Variants in ANK2 observed in about 807,000 individuals in gnomAD.
ANK2 encodes the protein ankyrin 2.
ANK2 carries 83 observed loss-of-function variants against 360.5 expected under a neutral mutation model. The observed-to-expected ratio is 0.23, with a 90% CI of 0.19 to 0.28. ANK2 has a LOEUF of 0.28. ANK2 is among the 10% of genes least tolerant of loss of function. ANK2 has a pLI of 1.00. For missense variants in ANK2, 4,201 were observed against 4,795.7 expected (o/e 0.88, Z 3.66); for synonymous variants, 1,740 against 1,759.5 (o/e 0.99, Z 0.28).
Position 113,357,569 on chromosome 4 carries a change from A to G in ANK2, c.8951A>G (p.Lys2984Arg). 6.2e-7 allele frequency: 1 copy of G among 1,614,140 alleles called. No individual in the cohort carries two copies. Among genetic ancestry groups the G allele is most frequent in the Non-Finnish European group, 8.5e-7 (1 of 1,179,990 alleles). ...TCCTCTAGTGGAACTGTTTTAAGCA[A>G]AGAATCTAATTTTGAGGGCCAGGAC... ...ASSSSGTVLSKESNFEGQDIK... is the reference protein window; with the variant it reads ...ASSSSGTVLSRESNFEGQDIK... Residue 2984 changes from lysine to arginine, a missense_variant, in exon 38 of 46, where the codon AAA becomes AGA. Physicochemically the swap from Lys to Arg is conservative, Grantham distance 26. This residue lies in a region of ANK2 where 2,642 missense variants were observed against 2,714.5 expected (regional missense o/e 0.97). Coordinates refer to ENST00000357077, the MANE Select transcript of ANK2 (RefSeq NM_001148.6).
intron 1 of ANK2, among the ~76,000 whole-genome samples, chr4:112,843,782 A>G (rs1343264950): frequency 3.3e-5 from 5 of 152,204 alleles, no homozygotes; most frequent in Non-Finnish European, 2.9e-5. Flanking sequence ...TTTTCGTTCT[A>G]AAACTTAACT....
rs199473344 is a variant in ANK2 at position 113,354,088 on chromosome 4, T to C, written c.5470T>C (p.Ser1824Pro). Residue 1824 changes from serine to proline, a missense_variant, in exon 38 of 46, where the codon TCC becomes CCC. Physicochemically the swap from Ser to Pro is moderately conservative, Grantham distance 74. This residue lies in a region of ANK2 where 2,642 missense variants were observed against 2,714.5 expected (regional missense o/e 0.97). Coordinates refer to ENST00000357077, the MANE Select transcript of ANK2 (RefSeq NM_001148.6). ...AGAGAGACATGCGCCAGGGTCTCCC[T>C]CCCCTAAAACAGAAAGACACTCTAC... ...KSERHAPGSPSPKTERHSTLS... is the reference protein window; with the variant it reads ...KSERHAPGSPPPKTERHSTLS... The C allele has an allele frequency of 1.2e-6, 2 of 1,613,800 alleles. No homozygotes were observed. The highest frequency in any genetic ancestry group is 3.3e-5 in the Admixed American group (2 of 59,994).
chr4:113,377,826 G>A (rs892826251), intron 45 of ANK2, among the ~76,000 whole-genome samples: 3 of 152,150 alleles, frequency 2.0e-5, no homozygotes, highest in African/African-American at 7.2e-5. Context: ...GTTGGGTGAA[G>A]CAAGGAGGAA....
At chr4:112,984,787 G>C (rs7684713) in intron 2 of ANK2, among the ~76,000 whole-genome samples, 29,415 of 152,060 alleles carry the variant, frequency 0.19, 3,185 homozygotes, top group East Asian at 0.38. Context: ...ATGGTCAGAA[G>C]TGAGCTCATG....
chr4:113,220,028 A>C (rs919333711), intron 4 of ANK2, among the ~76,000 whole-genome samples: 14 of 152,072 alleles, frequency 9.2e-5, no homozygotes, highest in African/African-American at 2.4e-4. Context: ...ATTCATAACC[A>C]AGGACTCAGA....
intron 1 of ANK2, among the ~76,000 whole-genome samples, chr4:113,068,803 A>C (rs1580647277): frequency 6.6e-6 from 1 of 152,270 alleles, no homozygotes; most frequent in Non-Finnish European, 1.5e-5. Context: ...GCTCATGCCT[A>C]TAATCTCAGC....
chr4:112,938,895 T>C (rs1000213387), intron 2 of ANK2, among the ~76,000 whole-genome samples: 15 of 152,190 alleles, frequency 9.9e-5, no homozygotes, highest in Non-Finnish European at 1.2e-4. Context: ...GACTACTGTG[T>C]CTCCAGAATC....
chr4:113,131,633 T>A (rs1378441738), intron 1 of ANK2, among the ~76,000 whole-genome samples: 1 of 152,214 alleles, frequency 6.6e-6, no homozygotes. Context: ...CTGGTCTAAG[T>A]GATTGTGGCA....
chr4:113,363,067 G>T (rs1281947284), intron 39 of ANK2, among the ~76,000 whole-genome samples: 1 of 152,114 alleles, frequency 6.6e-6, no homozygotes, highest in South Asian at 2.1e-4. Flanking sequence ...AATCAAATGG[G>T]CCTGAATTAT....
At chr4:113,272,425 T>G (rs974321298) in intron 14 of ANK2, among the ~76,000 whole-genome samples, 2 of 152,192 alleles carry the variant, frequency 1.3e-5, no homozygotes, top group Non-Finnish European at 2.9e-5. Context: ...TGGTTTAAAT[T>G]AACATTACCC....
chr4:113,083,398 C>T (rs1323037982), intron 1 of ANK2, among the ~76,000 whole-genome samples: 1 of 152,084 alleles, frequency 6.6e-6, no homozygotes, highest in Non-Finnish European at 1.5e-5. Context: ...TGGTCTCAAA[C>T]TTTTGGGCTC....
the ANK2 span, among the ~76,000 whole-genome samples, chr4:112,733,798 G>C: frequency 2.0e-5 from 3 of 152,068 alleles, no homozygotes; most frequent in Admixed American, 2.0e-4. Flanking sequence ...TTTTTGAGAC[G>C]GAGTCTCACC....
At chr4:112,790,304 T>TA in the ANK2 span, among the ~76,000 whole-genome samples, 1 of 152,116 alleles carries the variant, frequency 6.6e-6, no homozygotes, top group Non-Finnish European at 1.5e-5. Context: ...CACTAGTCAA[T>TA]AAAAATAATC....
intron 24 of ANK2, among the ~76,000 whole-genome samples, chr4:113,315,085 G>A (rs1356051651): frequency 6.6e-6 from 1 of 151,836 alleles, no homozygotes; most frequent in Non-Finnish European, 1.5e-5. Context: ...TTATCCCTCT[G>A]TATTTCTTTC....
chr4:112,821,435 G>C (rs66577927), intron 1 of ANK2, among the ~76,000 whole-genome samples: 2 of 151,806 alleles, frequency 1.3e-5, no homozygotes, highest in Non-Finnish European at 2.9e-5. Flanking sequence ...CATGTGATGA[G>C]ATCTCAAATA....
chr4:113,346,008 C>A lies in ANK2; in HGVS notation c.4357C>A (p.Pro1453Thr), dbSNP rs2094806309. Residue 1453 changes from proline (P) to threonine (T), a missense_variant, in exon 35 of 46, where the codon CCG becomes ACG. By Grantham distance (38) the Pro-to-Thr change is conservative. Around this residue, in one of 4 missense-constraint regions of ANK2, gnomAD observed 1,268 missense variants for 1,650.8 expected, o/e 0.77. Transcript: ENST00000357077. ...TATTTGCAACTTAAACATCACTTTG[C>A]CGATTTATACAAAGGTATCGTAAAA... The part of the protein sequence containing the change: ...QAICNLNITL[P>T]IYTKESESDQ... 2 of 1,613,304 alleles carry A rather than the reference C, an allele frequency of 1.2e-6. No homozygotes were observed. The highest frequency in any genetic ancestry group is 2.7e-5 in the African/African-American group (2 of 74,988).
chr4:112,928,788 G>C (rs963144618), intron 2 of ANK2, among the ~76,000 whole-genome samples: 2 of 151,934 alleles, frequency 1.3e-5, no homozygotes, highest in Non-Finnish European at 2.9e-5. Context: ...CTTCGATCTT[G>C]AACTTTTAGC....
intron 2 of ANK2, among the ~76,000 whole-genome samples, chr4:112,933,422 C>A (rs1225238758): frequency 6.6e-6 from 1 of 152,078 alleles, no homozygotes; most frequent in African/African-American, 2.4e-5. Flanking sequence ...TATCACCTAA[C>A]CCTTCTGATT....
intron 1 of ANK2, among the ~76,000 whole-genome samples, chr4:112,891,016 T>C (rs1342234074): frequency 6.6e-6 from 1 of 152,196 alleles, no homozygotes; most frequent in Non-Finnish European, 1.5e-5. Context: ...TAATCATCTA[T>C]CTTTTTGACA....
Sources: allele counts gnomAD v4.1 joint callset (sites outside exome capture counted in the v4.1 genomes callset), GRCh38; gene constraint gnomAD v4.1.1; regional missense constraint gnomAD v4.1.1; transcripts MANE v1.5; gene names NCBI Gene and HGNC (gene_info 2026-07-23, HGNC 2026-07-21).